XYLT1: variants seen among roughly 807,000 people sequenced by gnomAD.
XYLT1 encodes the protein beta-D-xylosyltransferase 1.
A neutral mutation model predicts 91.3 loss-of-function variants in XYLT1; 36 were observed. The observed-to-expected ratio is 0.39, with a 90% CI of 0.30 to 0.52. The LOEUF (loss-of-function observed/expected upper bound fraction) is 0.52. Ranked by LOEUF, XYLT1 falls within the 20% of genes least tolerant of loss-of-function variation. The pLI is 0.68. For synonymous variants in XYLT1, 588 were observed against 532.0 expected (o/e 1.11, Z -1.45); for missense variants, 1,242 against 1,284.5 (o/e 0.97, Z 0.51).
At chr16:17,129,549 A>G (rs2030393108) in intron 9 of XYLT1, among the ~76,000 whole-genome samples, 1 of 152,204 alleles carries the variant, frequency 6.6e-6, no homozygotes, top group South Asian at 2.1e-4. Flanking sequence ...TACAGGTGTC[A>G]GCCACTGCGC....
intron 2 of XYLT1, among the ~76,000 whole-genome samples, chr16:17,260,840 C>G (rs1037046238): frequency 1.3e-5 from 2 of 152,206 alleles, no homozygotes; most frequent in African/African-American, 4.8e-5. Context: ...CAGACCCCTG[C>G]TCTGCTGGAG....
chr16:17,138,807 G>A (rs1246210795), intron 7 of XYLT1: 2 of 344,254 alleles, frequency 5.8e-6, no homozygotes, highest in Non-Finnish European at 1.1e-5. Context: ...GGACTCTTAT[G>A]TTCTCTGCAT....
At chr16:17,456,205 C>T (rs552601742) in intron 1 of XYLT1, among the ~76,000 whole-genome samples, 1 of 150,160 alleles carries the variant, frequency 6.7e-6, no homozygotes. Context: ...GTTTCACACT[C>T]GACCTTTTTT....
intron 1 of XYLT1, among the ~76,000 whole-genome samples, chr16:17,379,825 C>T (rs1468773503): frequency 6.6e-6 from 1 of 151,798 alleles, no homozygotes; most frequent in African/African-American, 2.4e-5. Context: ...GACATTCACT[C>T]TCAAGACACT....
At chr16:17,321,105 C>G (rs1348896282) in intron 2 of XYLT1, among the ~76,000 whole-genome samples, 1 of 151,946 alleles carries the variant, frequency 6.6e-6, no homozygotes, top group Non-Finnish European at 1.5e-5. Context: ...TAGAGAGCTA[C>G]GAATTACCCT....
intron 11 of XYLT1, among the ~76,000 whole-genome samples, chr16:17,113,747 A>C (rs1966846866): frequency 6.6e-6 from 1 of 152,228 alleles, no homozygotes; most frequent in Non-Finnish European, 1.5e-5. Flanking sequence ...GTCCAATCAC[A>C]TTTTGACACA....
chr16:17,324,877 T>C (rs1182750103), intron 2 of XYLT1, among the ~76,000 whole-genome samples: 1 of 152,110 alleles, frequency 6.6e-6, no homozygotes, highest in Non-Finnish European at 1.5e-5. Context: ...TTTTCAAGCT[T>C]TGTTATAAAA....
chr16:17,213,148 T>G (rs1567325453), intron 3 of XYLT1, among the ~76,000 whole-genome samples: 2 of 152,130 alleles, frequency 1.3e-5, no homozygotes, highest in Admixed American at 6.6e-5. Flanking sequence ...CACCATTCCT[T>G]TGATGCTGTT....
chr16:17,193,857 A>C (rs1041072029), intron 5 of XYLT1: 5 of 152,204 alleles, frequency 3.3e-5, no homozygotes, highest in African/African-American at 1.2e-4. Context: ...AGCAAGAGGA[A>C]CCAGCAGTGC....
intron 2 of XYLT1, among the ~76,000 whole-genome samples, chr16:17,308,691 C>T (rs1596475097): frequency 6.6e-6 from 1 of 152,166 alleles, no homozygotes; most frequent in East Asian, 1.9e-4. Context: ...TACTCTTCTC[C>T]AAGACCCAGT....
intron 1 of XYLT1, among the ~76,000 whole-genome samples, chr16:17,364,687 G>A (rs1273958230): frequency 6.6e-6 from 1 of 152,098 alleles, no homozygotes; most frequent in Non-Finnish European, 1.5e-5. Flanking sequence ...CGCTGCCAAG[G>A]GAGGTATCAT....
rs538339758 is a variant in XYLT1 at position 17,415,605 on chromosome 16, C to T, written c.363+54829G>A. On this transcript the variant is annotated intron_variant, in intron 1 of 11. Coordinates refer to ENST00000261381, the MANE Select transcript of XYLT1 (RefSeq NM_022166.4). ...TACTCAGGAGGCTGTGGCAGGAGAA[C>T]CGCTTGAGTCCGGGAGGCAGAGGTT... Among the ~76,000 whole-genome samples the T allele has an allele frequency of 2.0e-4, 30 of 152,126 alleles. No homozygotes were observed. The South Asian group carries it at 5.6e-3, about 28-fold the overall frequency.
At chr16:17,337,331 G>A (rs892648683) in intron 2 of XYLT1, among the ~76,000 whole-genome samples, 1 of 152,068 alleles carries the variant, frequency 6.6e-6, no homozygotes, top group Non-Finnish European at 1.5e-5. Flanking sequence ...GGAACTATAA[G>A]CACATGCCAC....
At chr16:17,215,355 C>A (rs1375094915) in intron 3 of XYLT1, among the ~76,000 whole-genome samples, 1 of 152,090 alleles carries the variant, frequency 6.6e-6, no homozygotes, top group Admixed American at 6.6e-5. Context: ...AACAAACAAA[C>A]AAAAAGGTTA....
intron 3 of XYLT1, among the ~76,000 whole-genome samples, chr16:17,203,615 T>C (rs1381216156): frequency 6.6e-6 from 1 of 152,130 alleles, no homozygotes; most frequent in Non-Finnish European, 1.5e-5. Context: ...CATTCGTTCA[T>C]GCATTTATTC....
chr16:17,356,978 C>T (rs555707636), intron 2 of XYLT1, among the ~76,000 whole-genome samples: 5 of 151,902 alleles, frequency 3.3e-5, no homozygotes, highest in Non-Finnish European at 7.4e-5. Context: ...AGATCAAGAC[C>T]ATCCTGGCTA....
intron 1 of XYLT1, among the ~76,000 whole-genome samples, chr16:17,440,737 CCTAGTGTAATATTCTCCATGGA>C (rs1481034340): frequency 1.3e-5 from 2 of 152,282 alleles, no homozygotes; most frequent in East Asian, 3.9e-4. Context: ...ATATAAGCTT[CCTAGTGTAATATTCTCCATGGA>C]CTACTGCTCT....
intron 3 of XYLT1, among the ~76,000 whole-genome samples, chr16:17,202,618 A>G: frequency 6.6e-6 from 1 of 152,122 alleles, no homozygotes; most frequent in East Asian, 1.9e-4. Context: ...TTCACAGTCC[A>G]AAAAGGGGAC....
chr16:17,105,932 A>C lies in XYLT1; in HGVS notation c.*2763T>G, dbSNP rs1458011442. The C allele has an allele frequency of 1.3e-5, 2 of 152,112 alleles. No individual in the cohort carries two copies. The highest frequency in any genetic ancestry group is 2.9e-5 in the Non-Finnish European group (2 of 68,002). 9.4% of individuals were successfully genotyped at this position (152,112 alleles called of 1,614,324 possible). ...GGGATTTTCCTTAAAAAAAAAAACA[A>C]AACACAAAAACACAACAAATGTAAT... On this transcript the variant is annotated 3_prime_UTR_variant, in exon 12 of 12. Transcript: ENST00000261381.
Sources: allele counts gnomAD v4.1 joint callset (sites outside exome capture counted in the v4.1 genomes callset), GRCh38; gene constraint gnomAD v4.1.1; transcripts MANE v1.5; gene names NCBI Gene and HGNC (gene_info 2026-07-23, HGNC 2026-07-21).